Variants in CCDC62 observed in about 807,000 individuals in gnomAD.
CCDC62 encodes coiled-coil domain-containing protein 62.
CCDC62 carries 72 observed loss-of-function variants against 80.8 expected under a neutral mutation model. That is an observed-to-expected ratio of 0.89 (90% CI 0.74 to 1.08). CCDC62 has a LOEUF of 1.08. CCDC62 is among the 50% of genes least tolerant of loss of function. CCDC62 has a pLI of 0.00. For synonymous variants in CCDC62, 286 were observed against 296.5 expected (o/e 0.96, Z 0.36); for missense variants, 704 against 809.4 (o/e 0.87, Z 1.58).
chr12:122,808,650 C>T (rs578167609), intron 10 of CCDC62, among the ~76,000 whole-genome samples: 1 of 152,240 alleles, frequency 6.6e-6, no homozygotes, highest in Admixed American at 6.5e-5. Context: ...CTGCAGCCTC[C>T]CAATTAGCTG....
At chr12:122,826,342 A>G (rs2032632447) in intron 12 of CCDC62, 80 bp from the exon 13 acceptor site, 2 of 723,378 alleles carry the variant, frequency 2.8e-6, no homozygotes, top group East Asian at 2.5e-5. Flanking sequence ...AATATTTTAG[A>G]CGCCAGGAGC....
intron 1 of CCDC62, among the ~76,000 whole-genome samples, chr12:122,774,944 A>G (rs74845303): frequency 6.6e-6 from 1 of 150,772 alleles, no homozygotes; most frequent in African/African-American, 2.4e-5. Flanking sequence ...AAAAAAAAAA[A>G]TTAGCCGGGC....
At chr12:122,779,907 C>CAAA (rs35466260) in intron 2 of CCDC62, among the ~76,000 whole-genome samples, 28 of 63,524 alleles carry the variant, frequency 4.4e-4, no homozygotes, top group African/African-American at 7.3e-4. Flanking sequence ...GACTCTGTCT[C>CAAA]AAAAAAAAAA....
intron 10 of CCDC62, among the ~76,000 whole-genome samples, chr12:122,807,298 G>A (rs1247894700): frequency 3.3e-5 from 5 of 152,048 alleles, no homozygotes; most frequent in South Asian, 2.1e-4. Flanking sequence ...TTGGAAGGCC[G>A]GGGTGGGCAG....
At chr12:122,799,716 A>G (rs926823960) in intron 8 of CCDC62, among the ~76,000 whole-genome samples, 2 of 152,216 alleles carry the variant, frequency 1.3e-5, no homozygotes, top group African/African-American at 4.8e-5. Context: ...GTTTGGAACC[A>G]TGGAGGCTGG....
At chr12:122,810,583 C>T (rs2031826756) in intron 10 of CCDC62, among the ~76,000 whole-genome samples, 1 of 150,952 alleles carries the variant, frequency 6.6e-6, no homozygotes, top group Admixed American at 6.6e-5. Context: ...GACTGTAAAC[C>T]AGTTCAACCA....
chr12:122,791,278 AC>A (rs1409277265), intron 5 of CCDC62, among the ~76,000 whole-genome samples: 1 of 151,668 alleles, frequency 6.6e-6, no homozygotes. Flanking sequence ...AGCTGGGATT[AC>A]AGTCGCCCAC....
At chr12:122,819,125 A>T (rs1352089360) in intron 11 of CCDC62, among the ~76,000 whole-genome samples, 1 of 152,134 alleles carries the variant, frequency 6.6e-6, no homozygotes, top group Non-Finnish European at 1.5e-5. Flanking sequence ...GATTCTAGAG[A>T]TATTGGGAAG....
chr12:122,777,455 A>C, intron 1 of CCDC62, 36 bp from the exon 2 acceptor site: 10 of 1,552,476 alleles, frequency 6.4e-6, no homozygotes, highest in Non-Finnish European at 8.7e-6. Flanking sequence ...TATTGATTTC[A>C]TTCTATTTTG....
chr12:122,781,126 G>A, intron 2 of CCDC62, 38 bp from the exon 3 acceptor site: 2 of 1,548,804 alleles, frequency 1.3e-6, no homozygotes, highest in Non-Finnish European at 1.8e-6. Context: ...CTTTTAAGCT[G>A]AAGGTGTGAC....
At chr12:122,788,147 G>A (rs1425437781) in intron 4 of CCDC62, among the ~76,000 whole-genome samples, 1 of 152,178 alleles carries the variant, frequency 6.6e-6, no homozygotes, top group African/African-American at 2.4e-5. Context: ...GGTGAGTGGG[G>A]GAGGGATAGA....
intron 11 of CCDC62, among the ~76,000 whole-genome samples, chr12:122,819,343 G>A (rs761388230): frequency 2.0e-5 from 3 of 152,166 alleles, no homozygotes; most frequent in Non-Finnish European, 4.4e-5. Flanking sequence ...GACAAGGGTC[G>A]CAATTCAGAG....
At chr12:122,788,673 A>C in intron 4 of CCDC62, 85 bp from the exon 5 acceptor site, 1 of 837,698 alleles carries the variant, frequency 1.2e-6, no homozygotes, top group Non-Finnish European at 1.9e-6. Flanking sequence ...AACCTGGCAC[A>C]CGATAAGATC....
At chr12:122,808,251 C>T (rs561510399) in intron 10 of CCDC62, among the ~76,000 whole-genome samples, 1 of 152,028 alleles carries the variant, frequency 6.6e-6, no homozygotes, top group Non-Finnish European at 1.5e-5. Context: ...GAACCAAGAT[C>T]GTGCTACTGG....
intron 3 of CCDC62, among the ~76,000 whole-genome samples, chr12:122,784,163 A>C (rs573535982): frequency 1.3e-5 from 2 of 151,994 alleles, no homozygotes; most frequent in Non-Finnish European, 2.9e-5. Context: ...GCCTTTTCAG[A>C]TTGCCTTTTT....
At chr12:122,814,841 G>A (rs1391802336) in intron 11 of CCDC62, among the ~76,000 whole-genome samples, 1 of 150,464 alleles carries the variant, frequency 6.6e-6, no homozygotes, top group African/African-American at 2.4e-5. Context: ...TTATTTTTGA[G>A]ACAGCATCTT....
At chr12:122,796,315 TA>T (rs1052068512) in intron 6 of CCDC62, among the ~76,000 whole-genome samples, 2 of 150,996 alleles carry the variant, frequency 1.3e-5, no homozygotes, top group Admixed American at 6.6e-5. Flanking sequence ...AGTATTTATT[TA>T]TTTTTTTTAA....
At chr12:122,810,939 A>G (rs2031843024) in intron 10 of CCDC62, among the ~76,000 whole-genome samples, 1 of 144,530 alleles carries the variant, frequency 6.9e-6, no homozygotes, top group Non-Finnish European at 1.5e-5. Context: ...CAAACACTGC[A>G]TGTTCTCACT....
chr12:122,777,795 G>T, intron 2 of CCDC62, 112 bp downstream of exon 2: 1 of 993,288 alleles, frequency 1.0e-6, no homozygotes, highest in Non-Finnish European at 1.5e-6. Flanking sequence ...TTGTCCTCAA[G>T]TTTAGGCTCA....
Sources: gnomAD v4.1 joint callset for allele counts (sites outside exome capture counted in the v4.1 genomes callset) on GRCh38, gnomAD v4.1.1 for gene constraint, MANE v1.5 for transcripts, NCBI Gene and HGNC (gene_info 2026-07-23, HGNC 2026-07-21) for gene names.